Variants in MAGI1 observed in about 807,000 individuals in gnomAD.
MAGI1 encodes membrane associated guanylate kinase, WW and PDZ domain containing 1, also known as membrane-associated guanylate kinase, WW and PDZ domain-containing protein 1.
MAGI1 carries 58 observed loss-of-function variants against 139.9 expected under a neutral mutation model. The ratio of observed to expected loss-of-function variants is 0.41; its 90% confidence interval spans 0.34 to 0.52. The LOEUF (loss-of-function observed/expected upper bound fraction) is 0.52, where lower values mean the gene tolerates loss of function less well. MAGI1 is among the 20% of genes least tolerant of loss of function. The probability of loss-of-function intolerance (pLI) is 0.12; values close to 1 mark genes in which losing one functional copy is unlikely to be tolerated. For missense variants in MAGI1, 1,874 were observed against 1,901.6 expected (o/e 0.99, Z 0.27); for synonymous variants, 812 against 737.9 (o/e 1.10, Z -1.63).
chr3:65,613,866 A>G (rs1559721615), intron 2 of MAGI1, among the ~76,000 whole-genome samples: 1 of 152,202 alleles, frequency 6.6e-6, no homozygotes, highest in Non-Finnish European at 1.5e-5. Context: ...CTTCATATAA[A>G]TAAGGCCTCA....
intron 2 of MAGI1, among the ~76,000 whole-genome samples, chr3:65,540,298 C>T (rs1344714920): frequency 6.6e-6 from 1 of 152,212 alleles, no homozygotes; most frequent in Admixed American, 6.5e-5. Flanking sequence ...CCTTTATTCT[C>T]TATCCCCCTC....
chr3:65,961,893 G>A (rs1201146218), intron 1 of MAGI1, among the ~76,000 whole-genome samples: 1 of 152,142 alleles, frequency 6.6e-6, no homozygotes, highest in Non-Finnish European at 1.5e-5. Context: ...GAAGAAAGAA[G>A]TTTACAGCAA....
intron 12 of MAGI1, among the ~76,000 whole-genome samples, chr3:65,408,996 A>C (rs1945568130): frequency 6.6e-6 from 1 of 152,220 alleles, no homozygotes; most frequent in African/African-American, 2.4e-5. Flanking sequence ...ATGACGCAGG[A>C]CAATGGAACA....
chr3:65,866,157 C>G (rs934684632), intron 1 of MAGI1, among the ~76,000 whole-genome samples: 1 of 150,514 alleles, frequency 6.6e-6, no homozygotes, highest in Admixed American at 6.6e-5. Flanking sequence ...AAAATATATA[C>G]TACGTATAAA....
rs755574147 is a variant in MAGI1 at position 66,038,064 on chromosome 3, G to A, written c.245C>T (p.Pro82Leu). Residue 82 changes from proline to leucine, a missense_variant, in exon 1 of 23, where the codon CCC becomes CTC. Pro to Leu is a moderately conservative substitution (Grantham distance 98, BLOSUM62 -3). Transcript: ENST00000402939. ...GATGACCCCCAGCACGTCATAGCGG[G>A]GCAAGCCGGACACCCGGACCCCCTG... ...EVQGVRVSGLPRYDVLGVIDS... is the reference protein window; with the variant it reads ...EVQGVRVSGLLRYDVLGVIDS... 1.2e-6 allele frequency: 2 copies of A among 1,612,680 alleles called. No individual in the cohort carries two copies. Among genetic ancestry groups the A allele is most frequent in the South Asian group, 1.1e-5 (1 of 90,924 alleles).
At chr3:65,453,766 A>G (rs369915371) in intron 5 of MAGI1, among the ~76,000 whole-genome samples, 1 of 152,156 alleles carries the variant, frequency 6.6e-6, no homozygotes, top group Non-Finnish European at 1.5e-5. Context: ...TATTTCATTC[A>G]TTATATTACA....
At chr3:65,545,978 ACACACACACACACACG>A (rs1359352753) in intron 2 of MAGI1, among the ~76,000 whole-genome samples, 1 of 145,014 alleles carries the variant, frequency 6.9e-6, no homozygotes, top group African/African-American at 2.6e-5. Flanking sequence ...ATGATCTCAC[ACACACACACACACACG>A]CACACACACA....
chr3:65,995,061 C>T (rs556107794), intron 1 of MAGI1, among the ~76,000 whole-genome samples: 2 of 152,292 alleles, frequency 1.3e-5, no homozygotes, highest in South Asian at 4.2e-4. Context: ...CCTCCATCCA[C>T]ATATAAGTTT....
chr3:65,972,977 C>G (rs974090324), intron 1 of MAGI1, among the ~76,000 whole-genome samples: 3 of 152,000 alleles, frequency 2.0e-5, no homozygotes, highest in African/African-American at 7.3e-5. Context: ...ACCAACTACA[C>G]TTTTACTCAG....
intron 1 of MAGI1, among the ~76,000 whole-genome samples, chr3:65,814,594 A>G (rs1161035123): frequency 1.3e-5 from 2 of 152,152 alleles, no homozygotes; most frequent in African/African-American, 2.4e-5. Context: ...TTTGTTTTTC[A>G]GCTAAGAAAG....
intron 1 of MAGI1, among the ~76,000 whole-genome samples, chr3:65,698,653 T>A (rs1343768654): frequency 2.6e-5 from 4 of 151,890 alleles, no homozygotes; most frequent in Non-Finnish European, 5.9e-5. Context: ...TAAATGGCGC[T>A]GGGAAAACTG....
intron 1 of MAGI1, among the ~76,000 whole-genome samples, chr3:65,920,927 G>A (rs1338518573): frequency 6.6e-6 from 1 of 151,966 alleles, no homozygotes; most frequent in African/African-American, 2.4e-5. Flanking sequence ...TACTCAGGAG[G>A]CTGAGGCAGG....
chr3:65,466,716 T>C (rs1950198041), intron 5 of MAGI1, among the ~76,000 whole-genome samples: 1 of 152,150 alleles, frequency 6.6e-6, no homozygotes, highest in Non-Finnish European at 1.5e-5. Flanking sequence ...GGGGTGGAAG[T>C]CCTGAGTTCC....
At chr3:65,380,298 T>A (rs981336341) in intron 16 of MAGI1, among the ~76,000 whole-genome samples, 1 of 152,246 alleles carries the variant, frequency 6.6e-6, no homozygotes, top group Non-Finnish European at 1.5e-5. Context: ...AAGTTTTGGA[T>A]CAGACTGTAT....
intron 1 of MAGI1, among the ~76,000 whole-genome samples, chr3:65,812,694 G>C (rs1195218165): frequency 8.6e-6 from 1 of 116,438 alleles, no homozygotes; most frequent in East Asian, 3.0e-4. Context: ...GTTAAAGTTA[G>C]TTTACTTTTT....
At chr3:65,968,206 A>G (rs1228175614) in intron 1 of MAGI1, among the ~76,000 whole-genome samples, 2 of 152,256 alleles carry the variant, frequency 1.3e-5, no homozygotes, top group Non-Finnish European at 2.9e-5. Flanking sequence ...CAATTTGGCA[A>G]TATCGAACAA....
intron 1 of MAGI1, among the ~76,000 whole-genome samples, chr3:65,773,758 C>T (rs17371700): frequency 0.23 from 34,784 of 152,086 alleles, 5,123 homozygotes; most frequent in Non-Finnish European, 0.35. Context: ...CTCTAATTTG[C>T]TTTCTTTGTG....
intron 17 of MAGI1, among the ~76,000 whole-genome samples, chr3:65,378,508 A>G (rs1942754665): frequency 6.6e-6 from 1 of 152,176 alleles, no homozygotes; most frequent in Non-Finnish European, 1.5e-5. Context: ...GAGCATTTTT[A>G]CAGCCGTATG....
chr3:65,453,399 G>T, intron 5 of MAGI1, 59 bp from the exon 6 acceptor site: 1 of 1,184,498 alleles, frequency 8.4e-7, no homozygotes. Flanking sequence ...AAAGCAAGAA[G>T]CCCAATGACG....
Sources: gnomAD v4.1 joint callset for allele counts (sites outside exome capture counted in the v4.1 genomes callset) on GRCh38, gnomAD v4.1.1 for gene constraint, MANE v1.5 for transcripts, NCBI Gene and HGNC (gene_info 2026-07-23, HGNC 2026-07-21) for gene names.